RTTN: variants seen among roughly 807,000 people sequenced by gnomAD.
RTTN encodes the protein rotatin.
In RTTN, 182 loss-of-function variants were observed where a neutral mutation model predicts 269.2. That is an observed-to-expected ratio of 0.68 (90% CI 0.60 to 0.76). The LOEUF (loss-of-function observed/expected upper bound fraction) is 0.76. Among genes scored for constraint, RTTN ranks in the 30% least tolerant of loss-of-function variants. The pLI is 0.00. For missense variants in RTTN, 2,545 were observed against 2,608.6 expected (o/e 0.98, Z 0.53); for synonymous variants, 1,006 against 963.5 (o/e 1.04, Z -0.82).
At chr18:70,166,331 C>CTCA in intron 13 of RTTN, 143 bp from the exon 14 acceptor site, 1 of 716,594 alleles carries the variant, frequency 1.4e-6, no homozygotes, top group Admixed American at 3.0e-5. Context: ...CTAGCAAGTA[C>CTCA]TCACCTAAGC....
chr18:70,035,866 AC>A (rs1349333499), intron 40 of RTTN, among the ~76,000 whole-genome samples: 7 of 152,220 alleles, frequency 4.6e-5, no homozygotes, highest in Non-Finnish European at 1.0e-4. Context: ...CAAGAAAAAA[AC>A]AACCCCATTA....
At chr18:70,120,778 C>T (rs1377957499) in intron 26 of RTTN, among the ~76,000 whole-genome samples, 4 of 152,204 alleles carry the variant, frequency 2.6e-5, no homozygotes, top group East Asian at 3.9e-4. Flanking sequence ...GAGCCAGGCA[C>T]GGTGGCTCAC....
At chr18:70,103,951 C>T (rs8093117) in intron 28 of RTTN, among the ~76,000 whole-genome samples, 109,526 of 152,008 alleles carry the variant, frequency 0.72, 46,474 homozygotes, top group East Asian at 1. Context: ...TTGGTGAATC[C>T]GACAATTATG....
At chr18:70,038,806 G>T (rs935279892) in intron 40 of RTTN, among the ~76,000 whole-genome samples, 2 of 152,182 alleles carry the variant, frequency 1.3e-5, no homozygotes, top group African/African-American at 4.8e-5. Context: ...AATTGCTGTG[G>T]TAGGGGAGCT....
chr18:70,031,039 T>C, intron 40 of RTTN, 58 bp from the exon 41 acceptor site: 1 of 1,192,100 alleles, frequency 8.4e-7, no homozygotes. Flanking sequence ...AGCAAAACTG[T>C]TGTGAATAAA....
rs756243260 is a variant in RTTN at position 70,190,592 on chromosome 18, G to A, written c.1135C>T (p.Leu379Phe). Residue 379 changes from leucine to phenylalanine, a missense_variant, in exon 9 of 49, where the codon CTT (leucine) becomes TTT (phenylalanine). By Grantham distance (22) the Leu-to-Phe change is conservative. Coordinates refer to ENST00000640769, the MANE Select transcript of RTTN (RefSeq NM_173630.4). ...AGAATGGAGACACAAAACTGGGGAA[G>A]ACTGAGCTGCTGGAATTGTAGTTCC... ...TLELQFQQLS[L>F]PQFCVSILES... 1 of 1,614,006 alleles carries A rather than the reference G, an allele frequency of 6.2e-7. No individual in the cohort carries two copies. The highest frequency in any genetic ancestry group is 1.7e-5 in the Admixed American group (1 of 60,034).
At chr18:70,197,759 C>T (rs1438278889) in intron 5 of RTTN, 21 bp from the exon 6 acceptor site, 3 of 1,433,746 alleles carry the variant, frequency 2.1e-6, no homozygotes, top group Non-Finnish European at 2.9e-6. Context: ...TAGCGTTAAT[C>T]ATTTTTAAGA....
At position 70,075,535 on chromosome 18, in the gene RTTN, A is replaced by G; in HGVS notation, c.4381T>C (p.Cys1461Arg). 6.4e-7 allele frequency: 1 copy of G among 1,566,604 alleles called. No homozygotes were observed. Among genetic ancestry groups the G allele is most frequent in the Non-Finnish European group, 8.6e-7 (1 of 1,164,110 alleles). Residue 1461 changes from cysteine (C) to arginine (R), a missense_variant, in exon 33 of 49, where the codon TGT (cysteine) becomes CGT (arginine). Transcript: ENST00000640769. The stretch of plus-strand genomic sequence containing the variant: ...AGGCCAGAGTCCTCATCATGAACAC[A>G]GGGACCCTGTAGGAAGAGAGGGAAA... ...IIKDYTWQGP[C>R]VHDEDSGLSL...
intron 32 of RTTN, among the ~76,000 whole-genome samples, chr18:70,078,582 C>A (rs11151564): frequency 0.73 from 110,141 of 151,748 alleles, 46,686 homozygotes; most frequent in East Asian, 1. Flanking sequence ...TACATATATA[C>A]ACACACACAT....
intron 40 of RTTN, among the ~76,000 whole-genome samples, chr18:70,045,649 C>G (rs574707197): frequency 2.6e-5 from 4 of 152,218 alleles, no homozygotes; most frequent in Non-Finnish European, 5.9e-5. Context: ...ACTGTCCCAA[C>G]TTACATTAGG....
chr18:70,064,250 A>C (rs2058070859), intron 35 of RTTN, among the ~76,000 whole-genome samples: 1 of 150,218 alleles, frequency 6.7e-6, no homozygotes, highest in Non-Finnish European at 1.5e-5. Flanking sequence ...AGGCAGAAGA[A>C]TCTCCTGAAC....
At chr18:70,199,270 T>G in intron 5 of RTTN, 144 bp downstream of exon 5, 1 of 429,538 alleles carries the variant, frequency 2.3e-6, no homozygotes, top group South Asian at 5.0e-5. Flanking sequence ...GCTAGCTTTT[T>G]GAAAAATAAA....
chr18:70,162,912 T>TAAAA (rs2060876389), intron 14 of RTTN, among the ~76,000 whole-genome samples: 2 of 84,254 alleles, frequency 2.4e-5, no homozygotes, highest in Non-Finnish European at 5.3e-5. Flanking sequence ...AAACAGAAAC[T>TAAAA]AATGAAAGAT....
intron 11 of RTTN, among the ~76,000 whole-genome samples, chr18:70,171,277 C>T (rs1038612681): frequency 2.6e-5 from 4 of 152,334 alleles, no homozygotes; most frequent in African/African-American, 9.6e-5. Flanking sequence ...AGGCGATTTA[C>T]ACTGTGCTAA....
intron 34 of RTTN, among the ~76,000 whole-genome samples, chr18:70,073,339 T>C (rs1021047816): frequency 1.1e-4 from 17 of 152,126 alleles, no homozygotes; most frequent in African/African-American, 2.9e-4. Context: ...AACAGGCATA[T>C]ATAAATTTCA....
chr18:70,174,084 A>C (rs2061220085), intron 11 of RTTN, among the ~76,000 whole-genome samples: 1 of 152,036 alleles, frequency 6.6e-6, no homozygotes, highest in East Asian at 1.9e-4. Context: ...TTTTAAAGAC[A>C]GATGCATTCA....
intron 28 of RTTN, among the ~76,000 whole-genome samples, chr18:70,095,249 A>G (rs974882080): frequency 1.3e-5 from 2 of 151,782 alleles, no homozygotes; most frequent in Non-Finnish European, 2.9e-5. Flanking sequence ...TTGCCTCTTT[A>G]TCCAATTTGC....
rs1020739065 is a variant in RTTN at position 70,075,347 on chromosome 18, C to A, written c.4564+5G>T. 6.5e-7 allele frequency: 1 copy of A among 1,542,796 alleles called. No individual in the cohort carries two copies. The highest frequency in any genetic ancestry group is 1.4e-5 in the African/African-American group (1 of 71,410). On this transcript the variant is annotated splice_donor_5th_base_variant and intron_variant, in intron 33 of 48. Transcript: ENST00000640769. ...AAAATAAAAATACAAAGATATCGTA[C>A]TTACCATTTAAATCATTGCTTTCTG...
chr18:70,154,671 A>G (rs2060627136), intron 14 of RTTN, among the ~76,000 whole-genome samples: 1 of 152,078 alleles, frequency 6.6e-6, no homozygotes, highest in African/African-American at 2.4e-5. Flanking sequence ...TCTTCCCTGT[A>G]GTCTTTACAG....
Sources: gnomAD v4.1 joint callset for allele counts (sites outside exome capture counted in the v4.1 genomes callset) on GRCh38, gnomAD v4.1.1 for gene constraint, MANE v1.5 for transcripts, NCBI Gene and HGNC (gene_info 2026-07-23, HGNC 2026-07-21) for gene names.